The following ANXA2 variants were observed in gnomAD, a reference collection of about 807,000 sequenced individuals.
ANXA2 encodes annexin A2.
Under a neutral mutation model 47.3 loss-of-function variants are expected in ANXA2, and 28 were observed. The observed-to-expected ratio is 0.59, with a 90% confidence interval of 0.44 to 0.81. The LOEUF is 0.81. Among genes scored for constraint, ANXA2 ranks in the 40% least tolerant of loss-of-function variants. ANXA2 has a pLI of 0.00. For missense variants in ANXA2, 384 were observed against 414.3 expected, an observed-to-expected ratio of 0.93 and a Z score of 0.64; for synonymous variants, 172 against 155.5, an observed-to-expected ratio of 1.11 and a Z score of -0.79.
chr15:60,361,294 G>C (rs192174836), intron 4 of ANXA2, among the ~76,000 whole-genome samples: 1 of 152,104 alleles, frequency 6.6e-6, no homozygotes, highest in African/African-American at 2.4e-5. Context: ...CGTCTTCCCC[G>C]GTCAATAAAA....
intron 7 of ANXA2, chr15:60,355,439 A>C (rs1408992901): frequency 4.3e-6 from 1 of 234,320 alleles, no homozygotes; most frequent in Non-Finnish European, 8.5e-6. Flanking sequence ...AGGGATTCAC[A>C]GGGGAAATGC....
rs1406538892 is a variant in ANXA2 at position 60,351,835 on chromosome 15, A to G, written c.683-16T>C. Reference sequence around the variant, plus strand: ...CTATCAAATACTGAGGAAAAACAACAAAGAGTTATCAGATCCGAGCCACTA... The same window carrying G: ...CTATCAAATACTGAGGAAAAACAACGAAGAGTTATCAGATCCGAGCCACTA... On this transcript the variant is annotated splice_polypyrimidine_tract_variant and intron_variant, in intron 9 of 12. Transcript: ENST00000451270. 2.6e-6 allele frequency: 4 copies of G among 1,561,786 alleles called. No homozygotes were observed. The highest frequency in any genetic ancestry group is 1.7e-5 in the Admixed American group (1 of 59,824).
chr15:60,356,532 G>A (rs1346530024), intron 6 of ANXA2, among the ~76,000 whole-genome samples: 1 of 152,118 alleles, frequency 6.6e-6, no homozygotes. Flanking sequence ...AAAGATAAAT[G>A]TGTGAGGTGA....
In ANXA2 at chr15:60,372,894, C is replaced by G. The variant is rs1387469906; in HGVS notation, c.149-8371G>C. Among the ~76,000 whole-genome samples the G allele has an allele frequency of 3.2e-4, 49 of 151,702 alleles. 1 individual carries two copies. The highest frequency in any genetic ancestry group is 3.1e-3 in the Admixed American group (47 of 15,228). The stretch of plus-strand genomic sequence containing the variant: ...AAATATTTTTAGGGATGAGGTCTCC[C>G]TTTGTTGCCCAGGCCCTCCCAAAGT... On this transcript the variant is annotated intron_variant, in intron 3 of 12. Transcript: ENST00000451270.
chr15:60,366,813 G>C (rs2062620121), intron 3 of ANXA2, among the ~76,000 whole-genome samples: 1 of 129,608 alleles, frequency 7.7e-6, no homozygotes, highest in Non-Finnish European at 1.7e-5. Context: ...GGGGGGGGGG[G>C]GGGTCGGCCA....
intron 4 of ANXA2, chr15:60,363,009 G>A (rs1258211953): frequency 9.4e-6 from 1 of 106,568 alleles, no homozygotes; most frequent in African/African-American, 3.7e-5. Flanking sequence ...AAGCCTGGGT[G>A]ACAGAGCAAG....
chr15:60,372,756 C>A (rs1232008005), intron 3 of ANXA2, among the ~76,000 whole-genome samples: 1 of 146,654 alleles, frequency 6.8e-6, no homozygotes, highest in Non-Finnish European at 1.5e-5. Flanking sequence ...TACAGTGGTA[C>A]AACCATGGCT....
At chr15:60,391,925 A>G (rs898569207) in intron 1 of ANXA2, among the ~76,000 whole-genome samples, 3 of 151,666 alleles carry the variant, frequency 2.0e-5, no homozygotes, top group African/African-American at 7.3e-5. Context: ...AGCAAATTCA[A>G]TCTGTTGATG....
rs142019188 is a variant in ANXA2, at chr15:60,348,190, C to CA, written c.961-502dup. Among the ~76,000 whole-genome samples the CA allele has an allele frequency of 3.5e-3, 536 of 152,238 alleles. 3 individuals are homozygous for CA. The highest frequency in any genetic ancestry group is 0.01 in the Middle Eastern group (3 of 294). On this transcript the variant is annotated intron_variant, in intron 12 of 12. Coordinates refer to ENST00000451270, the MANE Select transcript of ANXA2 (RefSeq NM_004039.3). ...ACATGTGCCCTAATAAACCTGGCTA[C>CA]AAAAAATCCAGCTCTAACTTTATCC...
intron 1 of ANXA2, among the ~76,000 whole-genome samples, chr15:60,394,293 G>A (rs1210602260): frequency 6.6e-6 from 1 of 152,094 alleles, no homozygotes; most frequent in Non-Finnish European, 1.5e-5. Context: ...TGGACAAAGG[G>A]CTCCATAACA....
rs1434112133 is a variant in ANXA2, at chr15:60,352,462, A to C, written c.603T>G (p.Ala201=). 5 of 1,613,318 alleles carry C rather than the reference A, an allele frequency of 3.1e-6. No homozygotes were observed. The highest frequency in any genetic ancestry group is 4.2e-6 in the Non-Finnish European group (5 of 1,179,460). ...IDQDARDLYD[A]GVKRKGTDVP... ...CATCAGTTCCTTTCCTCTTCACTCC[A>C]GCGTCATAGAGATCCTACGAGTACA... Residue 201 remains alanine, a synonymous_variant, in exon 9 of 13, where the codon GCT becomes GCG. Coordinates refer to ENST00000451270, the MANE Select transcript of ANXA2 (RefSeq NM_004039.3). The surrounding 1 kb of genome is among the most constrained non-coding windows in gnomAD (Gnocchi z 4.2).
intron 1 of ANXA2, among the ~76,000 whole-genome samples, chr15:60,389,496 A>G (rs2062978973): frequency 6.6e-6 from 1 of 152,216 alleles, no homozygotes; most frequent in African/African-American, 2.4e-5. Context: ...ACAATCTGAT[A>G]GGCTTCTTTA....
intron 2 of ANXA2, chr15:60,382,976 C>T (rs543887333): frequency 2.7e-4 from 42 of 153,530 alleles, no homozygotes; most frequent in East Asian, 1.9e-4. Flanking sequence ...GGCCAGACGG[C>T]CCACATCCTC....
intron 3 of ANXA2, among the ~76,000 whole-genome samples, chr15:60,366,531 G>A (rs1313147807): frequency 6.7e-6 from 1 of 148,252 alleles, no homozygotes; most frequent in Non-Finnish European, 1.5e-5. Context: ...GTCTCTGCCC[G>A]GCCGCTCCGT....
At chr15:60,382,257 G>A (rs1488303429) in intron 3 of ANXA2, 85 bp downstream of exon 3, 7 of 1,026,830 alleles carry the variant, frequency 6.8e-6, no homozygotes, top group Admixed American at 5.4e-5. Flanking sequence ...AATCGCCAAC[G>A]TATGGCGATT....
At chr15:60,392,277 C>T (rs1021249560) in intron 1 of ANXA2, among the ~76,000 whole-genome samples, 1 of 152,052 alleles carries the variant, frequency 6.6e-6, no homozygotes, top group Non-Finnish European at 1.5e-5. Flanking sequence ...TATTGAGAAA[C>T]AAGTCATTTA....
chr15:60,397,498 G>A (rs1223334589), intron 1 of ANXA2, among the ~76,000 whole-genome samples: 1 of 152,134 alleles, frequency 6.6e-6, no homozygotes, highest in Non-Finnish European at 1.5e-5. Context: ...GTAACTTAGA[G>A]CAGATGGGGG....
chr15:60,395,238 C>T (rs1157241345), intron 1 of ANXA2, among the ~76,000 whole-genome samples: 3 of 152,260 alleles, frequency 2.0e-5, no homozygotes, highest in East Asian at 1.9e-4. Context: ...CTTCTCTCTC[C>T]GCCAGATTTA....
intron 1 of ANXA2, among the ~76,000 whole-genome samples, chr15:60,394,228 G>C (rs2063051516): frequency 6.6e-6 from 1 of 152,150 alleles, no homozygotes; most frequent in Non-Finnish European, 1.5e-5. Flanking sequence ...TTAGGACTCT[G>C]ATTTCCTCTG....
Sources: allele counts gnomAD v4.1 joint callset (sites outside exome capture counted in the v4.1 genomes callset), GRCh38; gene constraint gnomAD v4.1.1; non-coding constraint Gnocchi (gnomAD v3.1); transcripts MANE v1.5; gene names NCBI Gene and HGNC (gene_info 2026-07-23, HGNC 2026-07-21).